Variants in RBM46 observed in about 807,000 individuals in gnomAD.
The protein encoded by RBM46 is probable RNA-binding protein 46.
RBM46 carries 12 observed loss-of-function variants against 43.3 expected under a neutral mutation model. The observed-to-expected ratio is 0.28, with a 90% confidence interval of 0.18 to 0.45. RBM46 has a LOEUF of 0.45. Among genes scored for constraint, RBM46 ranks in the 20% least tolerant of loss-of-function variants. RBM46 has a pLI of 1.00. For missense variants in RBM46, 412 were observed against 639.1 expected (o/e 0.64, Z 3.83); for synonymous variants, 205 against 207.6 (o/e 0.99, Z 0.11).
chr4:154,814,163 A>G (rs985841144), intron 4 of RBM46, among the ~76,000 whole-genome samples: 1 of 151,996 alleles, frequency 6.6e-6, no homozygotes, highest in South Asian at 2.1e-4. Flanking sequence ...AAAACTAAAT[A>G]TAAAACATTT....
intron 1 of RBM46, among the ~76,000 whole-genome samples, chr4:154,794,808 T>G (rs962275093): frequency 6.6e-6 from 1 of 152,150 alleles, no homozygotes. Context: ...GCAGGTTCTC[T>G]TCCCTTGTCA....
In RBM46 at chr4:154,804,684, T is replaced by A. The variant is rs1490010153; in HGVS notation, c.1402+5120T>A. ...TTGTGTAATACTGATACAAGTGGTA[T>A]TTTTTTCTTACTTGTATGGCTATTG... On this transcript the variant is annotated intron_variant, in intron 4 of 4. Transcript: ENST00000281722. 5.9e-5 allele frequency among the ~76,000 whole-genome samples: 9 copies of A among 152,138 alleles called. 1 individual carries two copies. Among genetic ancestry groups the A allele is most frequent in the African/African-American group, 2.2e-4 (9 of 41,438 alleles).
intron 4 of RBM46, among the ~76,000 whole-genome samples, chr4:154,826,267 G>A (rs1312950502): frequency 6.6e-6 from 1 of 151,946 alleles, no homozygotes; most frequent in Non-Finnish European, 1.5e-5. Flanking sequence ...AGACCAGCCC[G>A]GCCAACATGG....
chr4:154,791,427 C>T (rs779793975), intron 1 of RBM46, among the ~76,000 whole-genome samples: 1 of 152,082 alleles, frequency 6.6e-6, no homozygotes, highest in Non-Finnish European at 1.5e-5. Flanking sequence ...GAGGCCAAGG[C>T]GGTGGATCAC....
rs754619502 is a variant in RBM46 at position 154,798,732 on chromosome 4, C to T, written c.620-50C>T. ...AAACAGTTTTACTGAACATCTTTAC[C>T]TTTTATTCTTTATTTTAATTCTCTT... On this transcript the variant is annotated intron_variant, in intron 3 of 4. Transcript: ENST00000281722. 9 of 1,302,686 alleles carry T rather than the reference C, an allele frequency of 6.9e-6. No homozygotes were observed. The South Asian group carries it at 7.8e-5, about 11-fold the overall frequency. 80.7% of individuals were successfully genotyped at this position (1,302,686 alleles called of 1,614,324 possible).
At chr4:154,798,723 C>G in intron 3 of RBM46, 59 bp from the exon 4 acceptor site, 16 of 1,247,938 alleles carry the variant, frequency 1.3e-5, no homozygotes, top group Admixed American at 3.5e-5. Context: ...TTTTACTGAA[C>G]ATCTTTACCT....
At position 154,819,102 on chromosome 4, in the gene RBM46, T is replaced by A. The variant is rs140659038; in HGVS notation, c.1403-8766T>A. Among the ~76,000 whole-genome samples, 818 of 152,286 alleles carry A rather than the reference T, an allele frequency of 5.4e-3. 1 individual carries two copies. Among genetic ancestry groups the A allele is most frequent in the Middle Eastern group, 0.037 (11 of 294 alleles). On this transcript the variant is annotated intron_variant, in intron 4 of 4. Coordinates refer to ENST00000281722, the MANE Select transcript of RBM46 (RefSeq NM_144979.5). The stretch of plus-strand genomic sequence containing the variant: ...CCTTGTATGACTGGTTATTTTTTAT[T>A]CAATACCAGATACTGTGTATGAAAA...
intron 2 of RBM46, 117 bp downstream of exon 2, chr4:154,797,020 T>A: frequency 3.0e-6 from 1 of 331,680 alleles, no homozygotes; most frequent in East Asian, 5.1e-5. Flanking sequence ...CTTTAAGACA[T>A]TTTTTTTTTT....
chr4:154,789,824 G>A (rs569989552), intron 1 of RBM46, among the ~76,000 whole-genome samples: 6 of 152,162 alleles, frequency 3.9e-5, no homozygotes, highest in East Asian at 1.9e-4. Flanking sequence ...TTGGTTGGTA[G>A]GCTATTAATT....
intron 4 of RBM46, among the ~76,000 whole-genome samples, chr4:154,806,218 A>G (rs887547371): frequency 9.9e-5 from 15 of 151,844 alleles, no homozygotes; most frequent in African/African-American, 3.6e-4. Flanking sequence ...AAACACTTGT[A>G]TTAATGCACC....
intron 4 of RBM46, among the ~76,000 whole-genome samples, chr4:154,812,393 A>T (rs535963398): frequency 6.6e-6 from 1 of 152,076 alleles, no homozygotes; most frequent in Non-Finnish European, 1.5e-5. Context: ...TCTTGTAAAC[A>T]TATCTTGTTT....
At chr4:154,826,120 C>G (rs978031692) in intron 4 of RBM46, among the ~76,000 whole-genome samples, 3 of 150,062 alleles carry the variant, frequency 2.0e-5, no homozygotes, top group African/African-American at 7.4e-5. Flanking sequence ...ATACTCAATA[C>G]CAAACCCTTC....
chr4:154,783,092 T>C (rs2111074825), intron 1 of RBM46, among the ~76,000 whole-genome samples: 1 of 152,326 alleles, frequency 6.6e-6, no homozygotes, highest in South Asian at 2.1e-4. Flanking sequence ...TGTTTGCATC[T>C]GTCTGCATTT....
At chr4:154,821,311 T>C (rs1735713143) in intron 4 of RBM46, among the ~76,000 whole-genome samples, 1 of 151,842 alleles carries the variant, frequency 6.6e-6, no homozygotes, top group South Asian at 2.1e-4. Context: ...CTGATTTTAC[T>C]TATAGAAATA....
At chr4:154,783,698 ATTAG>A (rs1733618865) in intron 1 of RBM46, among the ~76,000 whole-genome samples, 1 of 152,232 alleles carries the variant, frequency 6.6e-6, no homozygotes, top group Non-Finnish European at 1.5e-5. Context: ...TTTTAAAAGT[ATTAG>A]TTACAGTTTT....
chr4:154,787,518 C>CT (rs1164061734), intron 1 of RBM46, among the ~76,000 whole-genome samples: 1 of 151,900 alleles, frequency 6.6e-6, no homozygotes, highest in Non-Finnish European at 1.5e-5. Context: ...TGAACTCACC[C>CT]TTTTTTATGG....
chr4:154,798,365 C>G (rs1578910777), intron 3 of RBM46, 87 bp downstream of exon 3: 8 of 787,502 alleles, frequency 1.0e-5, no homozygotes, highest in Non-Finnish European at 1.6e-5. Flanking sequence ...TATCAAAATA[C>G]TAATGTCACT....
intron 1 of RBM46, among the ~76,000 whole-genome samples, chr4:154,796,161 T>C (rs574422331): frequency 6.6e-6 from 1 of 152,262 alleles, no homozygotes; most frequent in Admixed American, 6.5e-5. Context: ...AGTGAGACTC[T>C]GTCTCAAAAA....
chr4:154,824,840 C>T (rs1401113850), intron 4 of RBM46, among the ~76,000 whole-genome samples: 1 of 152,024 alleles, frequency 6.6e-6, no homozygotes, highest in Non-Finnish European at 1.5e-5. Context: ...CAAAACTGAT[C>T]TATTGAAATA....
Sources: allele counts gnomAD v4.1 joint callset (sites outside exome capture counted in the v4.1 genomes callset), GRCh38; gene constraint gnomAD v4.1.1; transcripts MANE v1.5; gene names NCBI Gene and HGNC (gene_info 2026-07-23, HGNC 2026-07-21).